Variants in ASCC3 observed in about 807,000 individuals in gnomAD.
ASCC3 encodes ASC-1 complex subunit P200.
Under a neutral mutation model 256.3 loss-of-function variants are expected in ASCC3, and 158 were observed. The ratio of observed to expected loss-of-function variants is 0.62; its 90% confidence interval spans 0.54 to 0.70. The LOEUF is 0.70. Ranked by LOEUF, ASCC3 falls within the 30% of genes least tolerant of loss-of-function variation. The pLI, the probability that ASCC3 is intolerant of heterozygous loss-of-function variation, is 0.00. For missense variants in ASCC3, 2,259 were observed against 2,626.0 expected (o/e 0.86, Z 3.05); for synonymous variants, 948 against 883.4 (o/e 1.07, Z -1.30).
In ASCC3 at chr6:100,625,187, C is replaced by T. The variant is rs1228184857; in HGVS notation, c.4785+5G>A. ...AAGTAGTAGAAGATAAAATATGTTG[C>T]TTACCTCTCTTTCATCCATGTTTAA... On this transcript the variant is annotated splice_donor_5th_base_variant and intron_variant, in intron 30 of 41. Transcript: ENST00000369162. The T allele has an allele frequency of 1.2e-6, 2 of 1,612,204 alleles. No individual in the cohort carries two copies. The highest frequency in any genetic ancestry group is 1.7e-6 in the Non-Finnish European group (2 of 1,178,754).
intron 30 of ASCC3, among the ~76,000 whole-genome samples, chr6:100,611,532 T>C (rs1773395818): frequency 1.3e-5 from 2 of 152,220 alleles, no homozygotes; most frequent in Non-Finnish European, 2.9e-5. Flanking sequence ...ACTTATAATA[T>C]GCCAGGCATT....
At chr6:100,757,622 A>C (rs938802849) in intron 10 of ASCC3, among the ~76,000 whole-genome samples, 1 of 152,172 alleles carries the variant, frequency 6.6e-6, no homozygotes, top group Non-Finnish European at 1.5e-5. Context: ...TATAATTTTA[A>C]GTCTATATGG....
chr6:100,788,258 T>C (rs1305807232), intron 8 of ASCC3, among the ~76,000 whole-genome samples: 2 of 151,926 alleles, frequency 1.3e-5, no homozygotes, highest in Admixed American at 1.3e-4. Context: ...ACCAAAACCA[T>C]AATGAGATAC....
intron 8 of ASCC3, among the ~76,000 whole-genome samples, chr6:100,792,782 T>G (rs1769414486): frequency 1.3e-5 from 2 of 151,918 alleles, no homozygotes; most frequent in South Asian, 2.1e-4. Context: ...AGAAAAACTG[T>G]TTTTAAAATT....
At chr6:100,604,861 G>A (rs1293613597) in intron 33 of ASCC3, among the ~76,000 whole-genome samples, 1 of 152,090 alleles carries the variant, frequency 6.6e-6, no homozygotes, top group Non-Finnish European at 1.5e-5. Flanking sequence ...TATGGTAAAG[G>A]AGATCCAATA....
At chr6:100,859,042 A>T (rs1209341710) in intron 3 of ASCC3, 3 of 743,620 alleles carry the variant, frequency 4.0e-6, no homozygotes, top group East Asian at 5.1e-5. Flanking sequence ...ATTACAGATT[A>T]AATTCCTTTA....
Position 100,770,970 on chromosome 6 carries a change from A to C in ASCC3, c.1396-3625T>G, listed in dbSNP as rs550127475. Among the ~76,000 whole-genome samples, 7 of 152,202 alleles carry C rather than the reference A, an allele frequency of 4.6e-5. No homozygotes were observed. In the South Asian group the frequency reaches 1.4e-3, roughly 32 times the overall value. On this transcript the variant is annotated intron_variant, in intron 8 of 41. Transcript: ENST00000369162. ...CATATGGAAACACACATGACCTAGA[A>C]GGAACAAAACAACTTTGAAAAAGAA...
intron 4 of ASCC3, among the ~76,000 whole-genome samples, chr6:100,836,932 A>G (rs1022171783): frequency 6.6e-6 from 1 of 152,106 alleles, no homozygotes; most frequent in African/African-American, 2.4e-5. Flanking sequence ...TGGTCTGTTC[A>G]GATTTTCTGG....
chr6:100,652,845 T>G lies in ASCC3; in HGVS notation c.2868A>C (p.Glu956Asp). 1 of 1,613,952 alleles carries G rather than the reference T, an allele frequency of 6.2e-7. No individual in the cohort carries two copies. Among genetic ancestry groups the G allele is most frequent in the Non-Finnish European group, 8.5e-7 (1 of 1,179,926 alleles). Residue 956 changes from glutamate to aspartate, a missense_variant, in exon 18 of 42, where the codon GAA becomes GAC. Coordinates refer to ENST00000369162, the MANE Select transcript of ASCC3 (RefSeq NM_006828.4). ...GAGCTTTGTCTAGTTTTCGTCCAAC[T>G]TCAATGACCAACTGTTCTCGATGCT... is the stretch of plus-strand genomic sequence containing the variant. ...LRKHREQLVIEVGRKLDKAQM... is the reference protein window; with the variant it reads ...LRKHREQLVIDVGRKLDKAQM...
chr6:100,751,538 C>A (rs954746239), intron 10 of ASCC3, among the ~76,000 whole-genome samples: 9 of 151,842 alleles, frequency 5.9e-5, no homozygotes, highest in African/African-American at 1.9e-4. Context: ...CGTTACCATG[C>A]AGGTCCATAA....
At chr6:100,622,355 C>T (rs909702757) in intron 30 of ASCC3, among the ~76,000 whole-genome samples, 1 of 152,098 alleles carries the variant, frequency 6.6e-6, no homozygotes, top group Non-Finnish European at 1.5e-5. Context: ...AAGATCTGAT[C>T]GTTTTATACC....
intron 16 of ASCC3, among the ~76,000 whole-genome samples, chr6:100,659,184 C>T (rs117748526): frequency 0.016 from 2,382 of 151,436 alleles, 27 homozygotes; most frequent in East Asian, 0.046. Flanking sequence ...TAATCTAGCA[C>T]GACTCTAATG....
intron 36 of ASCC3, among the ~76,000 whole-genome samples, chr6:100,548,539 C>T (rs996617253): frequency 4.0e-5 from 6 of 151,868 alleles, no homozygotes; most frequent in African/African-American, 1.4e-4. Context: ...ATTGTAGGCT[C>T]TTGGCACAGT....
chr6:100,531,075 G>A (rs958764096), intron 37 of ASCC3: 9 of 1,352,284 alleles, frequency 6.7e-6, no homozygotes, highest in Middle Eastern at 5.1e-4. Context: ...CTTCTAGAAC[G>A]TACATAGTCT....
chr6:100,761,843 T>C (rs985502219), intron 10 of ASCC3, among the ~76,000 whole-genome samples: 1 of 152,178 alleles, frequency 6.6e-6, no homozygotes, highest in Non-Finnish European at 1.5e-5. Flanking sequence ...GACTTAAGCA[T>C]ATAATTTATA....
intron 13 of ASCC3, among the ~76,000 whole-genome samples, chr6:100,711,561 T>C (rs761899933): frequency 8.5e-5 from 13 of 152,096 alleles, no homozygotes; most frequent in South Asian, 4.1e-4. Flanking sequence ...ACCCTGTCTC[T>C]ACTAAAAATA....
intron 14 of ASCC3, among the ~76,000 whole-genome samples, chr6:100,669,131 AAT>A (rs1417089546): frequency 6.6e-6 from 1 of 151,080 alleles, no homozygotes; most frequent in Non-Finnish European, 1.5e-5. Flanking sequence ...TCAAAAATTT[AAT>A]ATTTTTATAA....
At chr6:100,584,537 C>T (rs1047169962) in intron 36 of ASCC3, among the ~76,000 whole-genome samples, 1 of 152,044 alleles carries the variant, frequency 6.6e-6, no homozygotes, top group Non-Finnish European at 1.5e-5. Flanking sequence ...TGACTCTATC[C>T]AATTTGCCAG....
intron 10 of ASCC3, among the ~76,000 whole-genome samples, chr6:100,760,386 T>C (rs1781368530): frequency 6.6e-6 from 1 of 152,216 alleles, no homozygotes; most frequent in Admixed American, 6.5e-5. Flanking sequence ...AGCAAAGGCC[T>C]TTTCTGCATC....
Sources: allele counts gnomAD v4.1 joint callset (sites outside exome capture counted in the v4.1 genomes callset), GRCh38; gene constraint gnomAD v4.1.1; transcripts MANE v1.5; gene names NCBI Gene and HGNC (gene_info 2026-07-23, HGNC 2026-07-21).